Variants in XNDC1N observed in about 807,000 individuals in gnomAD.
The protein encoded by XNDC1N is protein XNDC1N.
chr11:71,878,619 C>A, the XNDC1N span: 3 of 1,099,568 alleles, frequency 2.7e-6, no homozygotes, highest in Non-Finnish European at 3.9e-6. Context: ...TTTTACTGTA[C>A]CATGAAGGCT....
the XNDC1N span, among the ~76,000 whole-genome samples, chr11:71,921,101 CCTGCCT>C: frequency 6.6e-6 from 1 of 152,076 alleles, no homozygotes; most frequent in East Asian, 1.9e-4. Context: ...GAGTGATCCC[CCTGCCT>C]CTGCCTCCTG....
the XNDC1N span, among the ~76,000 whole-genome samples, chr11:71,895,877 C>G: frequency 1.3e-5 from 2 of 152,188 alleles, no homozygotes; most frequent in African/African-American, 4.8e-5. Context: ...AGAAACTCCT[C>G]TCCACTGCAG....
At chr11:71,917,774 T>C in the XNDC1N span, 1 of 703,320 alleles carries the variant, frequency 1.4e-6, no homozygotes, top group Non-Finnish European at 2.6e-6. Flanking sequence ...CAGCCACAGT[T>C]ACCTGGGGAC....
the XNDC1N span, among the ~76,000 whole-genome samples, chr11:71,880,748 TTC>T: frequency 6.6e-6 from 1 of 152,362 alleles, no homozygotes; most frequent in East Asian, 1.9e-4. Flanking sequence ...TGTTATTTTC[TTC>T]TGAGTTTTTT....
At chr11:71,867,767 TG>T in the XNDC1N span, among the ~76,000 whole-genome samples, 1 of 152,220 alleles carries the variant, frequency 6.6e-6, no homozygotes, top group African/African-American at 2.4e-5. Context: ...TGTATTCTGT[TG>T]TTGGGTGGAC....
the XNDC1N span, among the ~76,000 whole-genome samples, chr11:71,899,012 T>G: frequency 6.6e-6 from 1 of 152,294 alleles, no homozygotes; most frequent in South Asian, 2.1e-4. Flanking sequence ...CACACTAGCT[T>G]TCTCCTGATT....
the XNDC1N span, among the ~76,000 whole-genome samples, chr11:71,869,297 T>C: frequency 0.19 from 28,451 of 151,764 alleles, 4,873 homozygotes; most frequent in African/African-American, 0.45. Context: ...TGAGAACATG[T>C]GGTGTTTGGT....
the XNDC1N span, chr11:71,917,009 G>GTTA: frequency 1.0e-4 from 18 of 177,222 alleles, no homozygotes; most frequent in East Asian, 4.8e-4. Flanking sequence ...ACATATTATT[G>GTTA]TTATTATTAT....
At chr11:71,924,661 G>A in the XNDC1N span, among the ~76,000 whole-genome samples, 115 of 152,102 alleles carry the variant, frequency 7.6e-4, no homozygotes, top group Middle Eastern at 3.4e-3. Context: ...TCTAGCCTGG[G>A]CTACAGAGCG....
At chr11:71,877,035 T>C in the XNDC1N span, among the ~76,000 whole-genome samples, 2 of 152,250 alleles carry the variant, frequency 1.3e-5, no homozygotes, top group African/African-American at 2.4e-5. Context: ...AGAGCTTTCA[T>C]GCCCCTCACT....
chr11:71,870,428 G>T, the XNDC1N span, among the ~76,000 whole-genome samples: 4 of 152,184 alleles, frequency 2.6e-5, no homozygotes, highest in African/African-American at 9.7e-5. Flanking sequence ...CTTGTCCCTT[G>T]AGGTGAGAAA....
the XNDC1N span, among the ~76,000 whole-genome samples, chr11:71,923,972 G>C: frequency 3.2e-4 from 48 of 152,224 alleles, no homozygotes; most frequent in South Asian, 4.4e-3. Context: ...ACAGCAGCAA[G>C]TACAAAATAA....
chr11:71,928,518 G>C, the XNDC1N span: 1 of 702,598 alleles, frequency 1.4e-6, no homozygotes, highest in South Asian at 1.5e-5. Context: ...GGGGCTTCAA[G>C]AAGCTGCTGT....
chr11:71,868,379 T>C, the XNDC1N span, among the ~76,000 whole-genome samples: 1 of 152,240 alleles, frequency 6.6e-6, no homozygotes, highest in Admixed American at 6.5e-5. Flanking sequence ...ATAGTGTCAA[T>C]ATCTATGTAA....
the XNDC1N span, among the ~76,000 whole-genome samples, chr11:71,867,624 T>G: frequency 2.6e-4 from 39 of 152,388 alleles, no homozygotes; most frequent in African/African-American, 8.9e-4. Context: ...AATATTTATT[T>G]CTATTTTTAT....
chr11:71,881,524 G>A, the XNDC1N span, among the ~76,000 whole-genome samples: 2 of 151,870 alleles, frequency 1.3e-5, no homozygotes, highest in Non-Finnish European at 1.5e-5. Flanking sequence ...TCCTCTTATG[G>A]CATTTTTTTG....
the XNDC1N span, chr11:71,903,555 C>T: frequency 1.9e-5 from 13 of 683,952 alleles, no homozygotes; most frequent in Non-Finnish European, 3.2e-5. Flanking sequence ...TGGCCTACGA[C>T]CAGTTTGTAG....
the XNDC1N span, among the ~76,000 whole-genome samples, chr11:71,886,625 T>C: frequency 0.047 from 7,035 of 148,446 alleles, 529 homozygotes; most frequent in African/African-American, 0.16. Flanking sequence ...CCTTTGATCC[T>C]GATAGCCCTG....
the XNDC1N span, chr11:71,894,096 T>A: frequency 2.0e-6 from 1 of 489,080 alleles, no homozygotes; most frequent in African/African-American, 2.0e-5. Flanking sequence ...TTGGTTTTCT[T>A]CCCATTTCAG....
Sources: gnomAD v4.1 joint callset for allele counts (sites outside exome capture counted in the v4.1 genomes callset) on GRCh38, gnomAD v4.1.1 for gene constraint, MANE v1.5 for transcripts, NCBI Gene and HGNC (gene_info 2026-07-23, HGNC 2026-07-21) for gene names.